OR10AG1: variants seen among roughly 807,000 people sequenced by gnomAD.
OR10AG1 encodes the protein olfactory receptor 10AG1.
For synonymous variants in OR10AG1, 147 were observed against 128.6 expected, an observed-to-expected ratio of 1.14 and a Z score of -0.97; for missense variants, 433 against 376.5, an observed-to-expected ratio of 1.15 and a Z score of -1.24.
At position 55,968,877 on chromosome 11, in the gene OR10AG1, C is replaced by A. The variant is rs1367538437; in HGVS notation, c.17-370G>T. Among the ~76,000 whole-genome samples, 4 of 152,078 alleles carry A rather than the reference C, an allele frequency of 2.6e-5. No homozygotes were observed. The East Asian group carries it at 7.7e-4, about 29-fold the overall frequency. ...TTTCTTTGTATTGGTAGTCATATTC[C>A]AGTTTTTTTAATTCAAAATGTTGCC... On this transcript the variant is annotated intron_variant, in intron 1 of 1. Coordinates refer to ENST00000641071, the MANE Select transcript of OR10AG1 (RefSeq NM_001005491.2).
intron 1 of OR10AG1, 110 bp from the exon 2 acceptor site, chr11:55,968,617 T>A (rs953847115): frequency 3.7e-6 from 2 of 533,602 alleles, no homozygotes; most frequent in African/African-American, 3.8e-5. Flanking sequence ...AGCTCTTAAG[T>A]CATTTTCACC....
chr11:55,969,076 C>CTAA (rs1264729761), intron 1 of OR10AG1, among the ~76,000 whole-genome samples: 4 of 152,100 alleles, frequency 2.6e-5, no homozygotes, highest in Non-Finnish European at 5.9e-5. Flanking sequence ...TATAAAAACA[C>CTAA]TAATACCAGT....
chr11:55,967,758 G>C lies in OR10AG1; in HGVS notation c.766C>G (p.Leu256Val). Residue 256 changes from leucine to valine, a missense_variant, in exon 2 of 2, where the codon CTA becomes GTA. Leu to Val is a conservative substitution (Grantham distance 32). Transcript: ENST00000641071. ...CCAAAGAATAAGATTACAACTATTA[G>C]GTGAGATGAGCAGGTGGAGAAGGCT... ...AKAFSTCSSH[L>V]IVVILFFGAG... is the part of the protein sequence containing the mutation. 6.2e-7 allele frequency: 1 copy of C among 1,613,602 alleles called. No individual in the cohort carries two copies. The highest frequency in any genetic ancestry group is 8.5e-7 in the Non-Finnish European group (1 of 1,179,620).
Position 55,966,895 on chromosome 11 carries a change from T to C in OR10AG1, c.*663A>G, listed in dbSNP as rs1852693352. 1.3e-5 allele frequency: 2 copies of C among 152,090 alleles called. No individual in the cohort carries two copies. The highest frequency in any genetic ancestry group is 4.8e-5 in the African/African-American group (2 of 41,352). 9.4% of individuals were successfully genotyped at this position (152,090 alleles called of 1,614,324 possible). A position where few individuals can be genotyped will look rare whatever the true frequency, so the allele number is the denominator to read the frequency against. ...AAGGTTCTAGTTGGAGATTTCTATT[T>C]TGAGGGTCCAACATTCAACCCAACA... On this transcript the variant is annotated 3_prime_UTR_variant, in exon 2 of 2. Transcript: ENST00000641071.
At chr11:55,969,629 T>C (rs1252420016) in intron 1 of OR10AG1, among the ~76,000 whole-genome samples, 1 of 152,082 alleles carries the variant, frequency 6.6e-6, no homozygotes, top group Non-Finnish European at 1.5e-5. Flanking sequence ...ACAAATACTA[T>C]CTCATATTTA....
At chr11:55,969,688 A>T (rs913895577) in intron 1 of OR10AG1, among the ~76,000 whole-genome samples, 1 of 152,138 alleles carries the variant, frequency 6.6e-6, no homozygotes, top group Admixed American at 6.5e-5. Context: ...ATGACTTTTC[A>T]TCACTAATGC....
chr11:55,968,158 C>T lies in OR10AG1; in HGVS notation c.366G>A (p.Glu122=), dbSNP rs368110258. The T allele has an allele frequency of 2.4e-5, 39 of 1,613,898 alleles. No homozygotes were observed. The African/African-American group carries it at 4.5e-4, about 19-fold the overall frequency. Residue 122 remains glutamate, a synonymous_variant, in exon 2 of 2, where the codon GAG becomes GAA. Transcript: ENST00000641071. ...MCFFLMLGGT[E]CLLLTVMAYD... ...AGGCCATCACTGTCAGAAGGAGACACTCCGTGCCTCCAAGCATAAGAAAAA... is the reference window on the plus strand; with the variant it reads ...AGGCCATCACTGTCAGAAGGAGACATTCCGTGCCTCCAAGCATAAGAAAAA...
In OR10AG1 at chr11:55,968,234, C is replaced by T; in HGVS notation, c.290G>A (p.Trp97Ter). 6.2e-7 allele frequency: 1 copy of T among 1,613,818 alleles called. No individual in the cohort carries two copies. Among genetic ancestry groups the T allele is most frequent in the Non-Finnish European group, 8.5e-7 (1 of 1,179,838 alleles). Reference protein sequence around the residue: ...IIIPRMLMDIWTQKGNISLFA... With the variant: ...IIIPRMLMDI ...CAAAGAAATATTTCCTTTCTGAGTC[C>T]AAATGTCCATGAGCATTCTTGGGAT... is the stretch of plus-strand genomic sequence containing the variant. The change falls in exon 2 of 2, where the codon TGG (tryptophan) becomes TAG (stop). Residue 97 changes from tryptophan to a stop codon, truncating the protein, a stop_gained. Coordinates refer to ENST00000641071, the MANE Select transcript of OR10AG1 (RefSeq NM_001005491.2). LOFTEE classifies it low-confidence loss of function (END_TRUNC).
In OR10AG1 at chr11:55,966,550, CAAAATCACAACGTTGGCAGG is replaced by C. The variant is rs1357628142; in HGVS notation, c.*988_*1007del. ...CACTCATCAGTTCTCTAGGCTCCTC[CAAAATCACAACGTTGGCAGG>C]AACTCACTTCCTTCAAAGGCTTTAA... On this transcript the variant is annotated 3_prime_UTR_variant, in exon 2 of 2. Coordinates refer to ENST00000641071, the MANE Select transcript of OR10AG1 (RefSeq NM_001005491.2). 1 of 152,104 alleles carries C rather than the reference CAAAATCACAACGTTGGCAGG, an allele frequency of 6.6e-6. No individual in the cohort carries two copies. Among genetic ancestry groups the C allele is most frequent in the Non-Finnish European group, 1.5e-5 (1 of 68,028 alleles). The allele number at this position is 152,104 out of a possible 1,614,324, so 9.4% of individuals were successfully genotyped here.
In OR10AG1 at chr11:55,968,257, G is replaced by A; in HGVS notation, c.267C>T (p.Ile89=). 6.2e-7 allele frequency: 1 copy of A among 1,613,054 alleles called. No individual in the cohort carries two copies. The highest frequency in any genetic ancestry group is 8.5e-7 in the Non-Finnish European group (1 of 1,179,138). Residue 89 remains isoleucine (I), a synonymous_variant, in exon 2 of 2, where the codon ATC becomes ATT. Coordinates refer to ENST00000641071, the MANE Select transcript of OR10AG1 (RefSeq NM_001005491.2). Reference sequence around the variant, plus strand: ...TCCAAATGTCCATGAGCATTCTTGGGATAATGATTGTTACATAACAGATTT... The same window carrying A: ...TCCAAATGTCCATGAGCATTCTTGGAATAATGATTGTTACATAACAGATTT... ...LLEICYVTII[I]PRMLMDIWTQ...
At chr11:55,969,540 A>G (rs371390493) in intron 1 of OR10AG1, among the ~76,000 whole-genome samples, 3 of 152,136 alleles carry the variant, frequency 2.0e-5, no homozygotes, top group African/African-American at 7.2e-5. Context: ...TGTGTCTTCA[A>G]ATCTGCTGCA....
intron 1 of OR10AG1, among the ~76,000 whole-genome samples, chr11:55,968,927 C>T (rs72924044): frequency 1.1e-3 from 172 of 152,106 alleles, no homozygotes; most frequent in Non-Finnish European, 1.8e-3. Flanking sequence ...TTAATTCATA[C>T]TCAAAATGAA....
chr11:55,967,982 C>T lies in OR10AG1; in HGVS notation c.542G>A (p.Gly181Glu). Residue 181 changes from glycine to glutamate, a missense_variant, in exon 2 of 2, where the codon GGA (glycine) becomes GAA (glutamate). Coordinates refer to ENST00000641071, the MANE Select transcript of OR10AG1 (RefSeq NM_001005491.2). ...TCQIFLLPFC[G>E]TNTINHFFCD... The stretch of plus-strand genomic sequence containing the variant: ...AAAGAAATGATTAATTGTGTTAGTT[C>T]CGCAAAAGGGCAAAAGGAAAATTTG... The T allele has an allele frequency of 1.9e-6, 3 of 1,614,064 alleles. No homozygotes were observed. The highest frequency in any genetic ancestry group is 1.7e-6 in the Non-Finnish European group (2 of 1,180,008).
chr11:55,969,497 G>T (rs2134618789), intron 1 of OR10AG1, among the ~76,000 whole-genome samples: 1 of 152,220 alleles, frequency 6.6e-6, no homozygotes, highest in Admixed American at 6.5e-5. Flanking sequence ...CTTAACGTTT[G>T]TTCTCCAACT....
chr11:55,969,083 C>A (rs1852719943), intron 1 of OR10AG1, among the ~76,000 whole-genome samples: 1 of 152,030 alleles, frequency 6.6e-6, no homozygotes. Context: ...ACACTAATAC[C>A]AGTAGGCAGT....
chr11:55,968,594 A>G (rs1159162702), intron 1 of OR10AG1, 87 bp from the exon 2 acceptor site: 1 of 593,206 alleles, frequency 1.7e-6, no homozygotes, highest in Admixed American at 3.3e-5. Flanking sequence ...AGATACAGGA[A>G]TATACTTACT....
In OR10AG1 at chr11:55,968,090, A is replaced by G; in HGVS notation, c.434T>C (p.Leu145Pro). ...AATGCAGACTTTGTGGTTCATCACT[A>G]GAGGATACTGCAAAGGCTTACAAAT... The part of the protein sequence containing the change: ...VAICKPLQYP[L>P]VMNHKVCIQL... The change falls in exon 2 of 2, where the codon CTA (leucine) becomes CCA (proline). Residue 145 changes from leucine (L) to proline (P), a missense_variant. Physicochemically the swap from Leu to Pro is moderately conservative, Grantham distance 98 (BLOSUM62 -3). Transcript: ENST00000641071. The G allele has an allele frequency of 1.2e-6, 2 of 1,614,064 alleles. No individual in the cohort carries two copies. The highest frequency in any genetic ancestry group is 1.7e-6 in the Non-Finnish European group (2 of 1,179,984).
In OR10AG1 at chr11:55,967,411, A is replaced by C. The variant is rs958622987; in HGVS notation, c.*147T>G. 7 of 589,060 alleles carry C rather than the reference A, an allele frequency of 1.2e-5. No homozygotes were observed. In the South Asian group the frequency reaches 1.5e-4, roughly 13 times the overall value. The allele number at this position is 589,060 out of a possible 1,614,324, so 36.5% of individuals were successfully genotyped here. ...AGTAGCACATAACTATATTCTGTGA[A>C]TAAAACACCCCTTGACATAATGTAA... is the stretch of plus-strand genomic sequence containing the variant. On this transcript the variant is annotated 3_prime_UTR_variant, in exon 2 of 2. Transcript: ENST00000641071.
At position 55,967,679 on chromosome 11, in the gene OR10AG1, C is replaced by G. The variant is rs756410519; in HGVS notation, c.845G>C (p.Gly282Ala). The G allele has an allele frequency of 2.2e-5, 35 of 1,612,986 alleles. No individual in the cohort carries two copies. In the East Asian group the frequency reaches 7.6e-4, roughly 35 times the overall value. The change falls in exon 2 of 2, where the codon GGG becomes GCG. Residue 282 changes from glycine to alanine, a missense_variant. Coordinates refer to ENST00000641071, the MANE Select transcript of OR10AG1 (RefSeq NM_001005491.2). ...GGTGTAGAAAAGAGAAATCAGTTTC[C>G]CCATCCTTTGAAACTGATGTGGTTT... is the stretch of plus-strand genomic sequence containing the variant. ...QPKPHQFQRM[G>A]KLISLFYTIL...
Sources: allele counts gnomAD v4.1 joint callset (sites outside exome capture counted in the v4.1 genomes callset), GRCh38; gene constraint gnomAD v4.1.1; transcripts MANE v1.5; gene names NCBI Gene and HGNC (gene_info 2026-07-23, HGNC 2026-07-21).